Variants in HSD17B11 observed in about 807,000 individuals in gnomAD.
The protein encoded by HSD17B11 is estradiol 17-beta-dehydrogenase 11.
Under a neutral mutation model 27.8 loss-of-function variants are expected in HSD17B11, and 22 were observed. The observed-to-expected ratio is 0.79, with a 90% CI of 0.56 to 1.13. HSD17B11 has a LOEUF of 1.13. Ranked by LOEUF, HSD17B11 falls within the 50% of genes most tolerant of loss-of-function variation. HSD17B11 has a pLI of 0.00. For synonymous variants in HSD17B11, 117 were observed against 132.8 expected, an observed-to-expected ratio of 0.88 and a Z score of 0.82; for missense variants, 314 against 351.1, an observed-to-expected ratio of 0.89 and a Z score of 0.84.
chr4:87,370,368 A>G (rs538216063), intron 4 of HSD17B11, among the ~76,000 whole-genome samples: 10 of 152,316 alleles, frequency 6.6e-5, no homozygotes, highest in Admixed American at 2.6e-4. Context: ...AGTGCAATAC[A>G]TTGTATGATT....
At position 87,373,505 on chromosome 4, in the gene HSD17B11, C is replaced by T. The variant is rs1735760437; in HGVS notation, c.451-690G>A. Among the ~76,000 whole-genome samples, 3 of 151,910 alleles carry T rather than the reference C, an allele frequency of 2.0e-5. No individual in the cohort carries two copies. In the South Asian group the frequency reaches 6.2e-4, roughly 32 times the overall value. On this transcript the variant is annotated intron_variant, in intron 3 of 6. Coordinates refer to ENST00000358290, the MANE Select transcript of HSD17B11 (RefSeq NM_016245.5). Reference sequence around the variant, plus strand: ...CAGAAGGATCACTCGAACCCAGGAGCTCGAGATCAGCCTGTGCAACATGGC... The same window carrying T: ...CAGAAGGATCACTCGAACCCAGGAGTTCGAGATCAGCCTGTGCAACATGGC...
At chr4:87,362,047 C>CT (rs1735526916) in intron 4 of HSD17B11, among the ~76,000 whole-genome samples, 1 of 152,172 alleles carries the variant, frequency 6.6e-6, no homozygotes, top group Non-Finnish European at 1.5e-5. Context: ...AGTGGGCTGA[C>CT]TTTGAGTAAG....
intron 5 of HSD17B11, 34 bp downstream of exon 5, chr4:87,357,245 C>T: frequency 6.2e-7 from 1 of 1,602,980 alleles, no homozygotes; most frequent in Middle Eastern, 1.8e-4. Context: ...TTCATAGCAA[C>T]CACCAATCCT....
At chr4:87,357,949 ATTTTTTTTTTTTT>A (rs57139706) in intron 4 of HSD17B11, among the ~76,000 whole-genome samples, 146 of 80,242 alleles carry the variant, frequency 1.8e-3, no homozygotes, top group Middle Eastern at 0.011. Context: ...CATTAGAGAA[ATTTTTTTTTTTTT>A]TTTTTTTTTT....
chr4:87,383,249 T>G (rs1437691774), intron 1 of HSD17B11, among the ~76,000 whole-genome samples: 2 of 152,100 alleles, frequency 1.3e-5, no homozygotes, highest in Non-Finnish European at 2.9e-5. Context: ...ACATGTCATA[T>G]TAAGATTTAT....
intron 2 of HSD17B11, among the ~76,000 whole-genome samples, chr4:87,380,522 G>A (rs531541491): frequency 2.0e-5 from 3 of 146,906 alleles, no homozygotes; most frequent in Non-Finnish European, 4.5e-5. Context: ...AAGAAAAAAA[G>A]TTCTGATACT....
At chr4:87,377,173 C>T (rs1263921802) in intron 2 of HSD17B11, among the ~76,000 whole-genome samples, 2 of 149,852 alleles carry the variant, frequency 1.3e-5, no homozygotes, top group South Asian at 2.1e-4. Context: ...ATTTGTAGGC[C>T]GGGCACAGTG....
chr4:87,357,982 GAC>G (rs1560761473), intron 4 of HSD17B11, among the ~76,000 whole-genome samples: 1 of 35,086 alleles, frequency 2.9e-5, no homozygotes, highest in African/African-American at 1.0e-4. Flanking sequence ...TTTTTTTTGA[GAC>G]AGAGTCTTGC....
chr4:87,357,173 G>A, intron 5 of HSD17B11, 106 bp downstream of exon 5: 2 of 1,176,160 alleles, frequency 1.7e-6, no homozygotes, highest in Non-Finnish European at 2.4e-6. Context: ...TGAACTAAGA[G>A]CTTTAACTAT....
At chr4:87,342,527 T>C (rs1319309517) in intron 5 of HSD17B11, among the ~76,000 whole-genome samples, 1 of 152,032 alleles carries the variant, frequency 6.6e-6, no homozygotes, top group African/African-American at 2.4e-5. Context: ...GGCAAGATGG[T>C]GAGATCTCGT....
intron 5 of HSD17B11, among the ~76,000 whole-genome samples, chr4:87,356,280 G>A (rs375716109): frequency 3.3e-5 from 5 of 152,186 alleles, no homozygotes; most frequent in Non-Finnish European, 7.4e-5. Context: ...ACCTGAGGGA[G>A]ATAATTATCC....
chr4:87,355,552 A>G (rs769548987), intron 5 of HSD17B11, among the ~76,000 whole-genome samples: 2 of 152,118 alleles, frequency 1.3e-5, no homozygotes, highest in Non-Finnish European at 2.9e-5. Flanking sequence ...AACAGATGTG[A>G]TATATAAAGG....
chr4:87,364,090 T>C (rs1735573137), intron 4 of HSD17B11, among the ~76,000 whole-genome samples: 1 of 152,226 alleles, frequency 6.6e-6, no homozygotes, highest in African/African-American at 2.4e-5. Context: ...TTCTTGAAGC[T>C]TGTTTTGCTG....
At chr4:87,370,081 A>ATTAG (rs1735680316) in intron 4 of HSD17B11, among the ~76,000 whole-genome samples, 1 of 152,032 alleles carries the variant, frequency 6.6e-6, no homozygotes, top group Non-Finnish European at 1.5e-5. Context: ...AGCTAGAATA[A>ATTAG]ATTATTTTCT....
chr4:87,384,752 T>A (rs1189007429), intron 1 of HSD17B11, among the ~76,000 whole-genome samples: 1 of 145,392 alleles, frequency 6.9e-6, no homozygotes, highest in South Asian at 2.1e-4. Flanking sequence ...TGTTTTCTGT[T>A]GTTTAAGATG....
chr4:87,380,484 A>AAAAAAAAAG (rs1578046554), intron 2 of HSD17B11, among the ~76,000 whole-genome samples: 7 of 138,684 alleles, frequency 5.0e-5, no homozygotes, highest in Non-Finnish European at 9.2e-5. Context: ...AAAAAAAAAA[A>AAAAAAAAAG]AAAAGAAAAA....
chr4:87,387,947 C>T (rs933800557), intron 1 of HSD17B11, among the ~76,000 whole-genome samples: 1 of 152,078 alleles, frequency 6.6e-6, no homozygotes, highest in African/African-American at 2.4e-5. Flanking sequence ...TTCCTTCCAT[C>T]TTTTCTCCTC....
chr4:87,346,376 C>T (rs1409509409), intron 5 of HSD17B11, among the ~76,000 whole-genome samples: 3 of 152,136 alleles, frequency 2.0e-5, no homozygotes, highest in Non-Finnish European at 2.9e-5. Context: ...GGGCCGGGTG[C>T]GGTGGCTCAC....
Position 87,379,875 on chromosome 4 carries a change from AATT to A in HSD17B11, c.318+2377_318+2379del, listed in dbSNP as rs538008432. Among the ~76,000 whole-genome samples, 441 of 62,130 alleles carry A rather than the reference AATT, an allele frequency of 7.1e-3. 3 individuals are homozygous for A. Among genetic ancestry groups the A allele is most frequent in the Admixed American group, 9.8e-3 (65 of 6,632 alleles). The allele number at this position is 62,130 out of a possible 152,430, so 40.8% of individuals were successfully genotyped here. A position where few individuals can be genotyped will look rare whatever the true frequency, so the allele number is the denominator to read the frequency against. On this transcript the variant is annotated intron_variant, in intron 2 of 6. Coordinates refer to ENST00000358290, the MANE Select transcript of HSD17B11 (RefSeq NM_016245.5). ...GTATATGTATATGTATTATACTATT[AATT>A]ATTATTATACAGCACATCTCATATA...
Sources: gnomAD v4.1 joint callset for allele counts (sites outside exome capture counted in the v4.1 genomes callset) on GRCh38, gnomAD v4.1.1 for gene constraint, MANE v1.5 for transcripts, NCBI Gene and HGNC (gene_info 2026-07-23, HGNC 2026-07-21) for gene names.